Variants in FIG4 observed in about 807,000 individuals in gnomAD.
FIG4 encodes FIG4 phosphoinositide 5-phosphatase.
Under a neutral mutation model 118.6 loss-of-function variants are expected in FIG4, and 112 were observed. The observed-to-expected ratio is 0.94, with a 90% CI of 0.81 to 1.11. The LOEUF (loss-of-function observed/expected upper bound fraction) is 1.11, where lower values mean the gene tolerates loss of function less well. Among genes scored for constraint, FIG4 ranks in the 50% least tolerant of loss-of-function variants. FIG4 has a pLI of 0.00. For missense variants in FIG4, 969 were observed against 1,111.7 expected (o/e 0.87, Z 1.83); for synonymous variants, 369 against 381.2 (o/e 0.97, Z 0.37).
chr6:109,770,981 C>G (rs1334781851), intron 15 of FIG4, among the ~76,000 whole-genome samples: 1 of 152,164 alleles, frequency 6.6e-6, no homozygotes, highest in African/African-American at 2.4e-5. Context: ...CTTCCCCTTT[C>G]TGCTCACTGC....
chr6:109,701,460 A>C (rs1774904969), intron 1 of FIG4, among the ~76,000 whole-genome samples: 1 of 152,222 alleles, frequency 6.6e-6, no homozygotes, highest in Admixed American at 6.5e-5. Flanking sequence ...GGACCTTAGC[A>C]TCACAATAAG....
At chr6:109,703,692 C>G (rs1392327092) in intron 1 of FIG4, among the ~76,000 whole-genome samples, 1 of 152,184 alleles carries the variant, frequency 6.6e-6, no homozygotes, top group Non-Finnish European at 1.5e-5. Context: ...ATCTTGCCCC[C>G]TCTCTGTCCC....
At chr6:109,819,714 C>T (rs1778954527) in intron 22 of FIG4, among the ~76,000 whole-genome samples, 1 of 152,148 alleles carries the variant, frequency 6.6e-6, no homozygotes, top group African/African-American at 2.4e-5. Context: ...GGTGATCCGC[C>T]TGCCTCAGCC....
chr6:109,793,555 C>T (rs1230818848), intron 21 of FIG4, among the ~76,000 whole-genome samples: 1 of 152,172 alleles, frequency 6.6e-6, no homozygotes, highest in East Asian at 1.9e-4. Context: ...ACATTGCAAA[C>T]ACCTCCTCAG....
intron 10 of FIG4, among the ~76,000 whole-genome samples, chr6:109,746,175 G>GA (rs1382092102): frequency 1.3e-5 from 2 of 152,132 alleles, no homozygotes; most frequent in African/African-American, 4.8e-5. Context: ...ATGGTTTTGG[G>GA]AAAACCGGCT....
intron 22 of FIG4, among the ~76,000 whole-genome samples, chr6:109,801,829 C>T (rs1431611848): frequency 6.6e-6 from 1 of 152,204 alleles, no homozygotes; most frequent in Non-Finnish European, 1.5e-5. Context: ...TCTTCACATA[C>T]AAGTCACACC....
At chr6:109,814,428 C>G (rs1778803379) in intron 22 of FIG4, among the ~76,000 whole-genome samples, 1 of 146,378 alleles carries the variant, frequency 6.8e-6, no homozygotes, top group South Asian at 2.4e-4. Context: ...AGGCTTGAGC[C>G]ACCGTGCCTG....
At chr6:109,772,913 G>A (rs1013665770) in intron 15 of FIG4, among the ~76,000 whole-genome samples, 1 of 152,212 alleles carries the variant, frequency 6.6e-6, no homozygotes, top group Non-Finnish European at 1.5e-5. Flanking sequence ...GAGTAAAAAT[G>A]ATGTCACATG....
intron 10 of FIG4, among the ~76,000 whole-genome samples, chr6:109,758,151 A>G (rs1317249330): frequency 6.6e-6 from 1 of 152,220 alleles, no homozygotes; most frequent in Non-Finnish European, 1.5e-5. Context: ...TATAGCCAAG[A>G]CAATCCTAAG....
chr6:109,824,961 C>T lies in FIG4; in HGVS notation c.2547-127C>T, dbSNP rs1278341121. 5 of 856,782 alleles carry T rather than the reference C, an allele frequency of 5.8e-6. No homozygotes were observed. The East Asian group carries it at 7.6e-5, about 13-fold the overall frequency. 53.1% of individuals were successfully genotyped at this position (856,782 alleles called of 1,614,324 possible). ...CTCGCAAGGACTGGGGAGGTCATCC[C>T]AGCAGCTTGTCAAAAGTCAGCCTGC... On this transcript the variant is annotated intron_variant, in intron 22 of 22. Coordinates refer to ENST00000230124, the MANE Select transcript of FIG4 (RefSeq NM_014845.6).
intron 16 of FIG4, among the ~76,000 whole-genome samples, chr6:109,777,517 A>G (rs1439841015): frequency 2.0e-5 from 3 of 152,246 alleles, no homozygotes; most frequent in African/African-American, 7.2e-5. Flanking sequence ...GAAACTCTCA[A>G]GGACTCTAAG....
chr6:109,741,466 A>G lies in FIG4; in HGVS notation c.798A>G (p.Pro266=). The G allele has an allele frequency of 6.2e-7, 1 of 1,612,908 alleles. No individual in the cohort carries two copies. Among genetic ancestry groups the G allele is most frequent in the Non-Finnish European group, 8.5e-7 (1 of 1,179,036 alleles). Residue 266 remains proline, a synonymous_variant, in exon 8 of 23, where the codon CCA becomes CCG. Coordinates refer to ENST00000230124, the MANE Select transcript of FIG4 (RefSeq NM_014845.6). ...GQSKLLIYGR[P]VYVTLIARRS... is the part of the protein sequence containing the mutation. ...AAGAGCTGTTGATCTATGGACGACC[A>G]GTGTATGTCACTCTAATAGCTAGAA... is the stretch of plus-strand genomic sequence containing the variant.
At chr6:109,695,620 A>C (rs916206963) in intron 1 of FIG4, among the ~76,000 whole-genome samples, 1 of 152,144 alleles carries the variant, frequency 6.6e-6, no homozygotes, top group African/African-American at 2.4e-5. Context: ...ACACACACAC[A>C]CACAATGTTG....
chr6:109,795,393 T>G (rs1443240133), intron 21 of FIG4, among the ~76,000 whole-genome samples: 1 of 152,006 alleles, frequency 6.6e-6, no homozygotes, highest in Non-Finnish European at 1.5e-5. Context: ...GATATAAAGT[T>G]GGATAAAAGT....
At chr6:109,722,118 G>A (rs1206233595) in intron 3 of FIG4, among the ~76,000 whole-genome samples, 1 of 151,242 alleles carries the variant, frequency 6.6e-6, no homozygotes, top group African/African-American at 2.4e-5. Context: ...TTATATTTCT[G>A]AAAGGATGAC....
chr6:109,709,024 G>T (rs957326858), intron 1 of FIG4, among the ~76,000 whole-genome samples: 1 of 152,140 alleles, frequency 6.6e-6, no homozygotes, highest in Non-Finnish European at 1.5e-5. Context: ...TCTTCATCAT[G>T]AAATCTTTGC....
At chr6:109,714,653 T>C (rs948796288) in intron 1 of FIG4, among the ~76,000 whole-genome samples, 11 of 152,212 alleles carry the variant, frequency 7.2e-5, no homozygotes, top group African/African-American at 2.4e-4. Context: ...TTTATGAAAA[T>C]TTGTAAGTAG....
intron 10 of FIG4, among the ~76,000 whole-genome samples, chr6:109,746,622 G>A (rs1776507243): frequency 6.6e-6 from 1 of 152,180 alleles, no homozygotes. Flanking sequence ...GTTATGGCCA[G>A]ACCATGCAGA....
chr6:109,717,100 A>G (rs1342347824), intron 3 of FIG4, among the ~76,000 whole-genome samples: 3 of 151,794 alleles, frequency 2.0e-5, no homozygotes, highest in Admixed American at 2.0e-4. Context: ...TGTTAGTAAG[A>G]TAAAACATCC....
Sources: allele counts gnomAD v4.1 joint callset (sites outside exome capture counted in the v4.1 genomes callset), GRCh38; gene constraint gnomAD v4.1.1; transcripts MANE v1.5; gene names NCBI Gene and HGNC (gene_info 2026-07-23, HGNC 2026-07-21).